CNTNAP5: variants seen among roughly 807,000 people sequenced by gnomAD.
CNTNAP5 encodes the protein contactin associated protein family member 5.
CNTNAP5 carries 72 observed loss-of-function variants against 150.2 expected under a neutral mutation model. The ratio of observed to expected loss-of-function variants is 0.48; its 90% CI spans 0.40 to 0.58. CNTNAP5 has a LOEUF of 0.58. Among genes scored for constraint, CNTNAP5 ranks in the 20% least tolerant of loss-of-function variants. CNTNAP5 has a pLI of 0.00. For missense variants in CNTNAP5, 1,636 were observed against 1,626.2 expected (o/e 1.01, Z -0.10); for synonymous variants, 672 against 619.8 (o/e 1.08, Z -1.25).
intron 1 of CNTNAP5, among the ~76,000 whole-genome samples, chr2:124,078,348 G>T (rs148449611): frequency 1.3e-5 from 2 of 152,280 alleles, no homozygotes; most frequent in East Asian, 1.9e-4. Context: ...TAGGCACAAT[G>T]ATTTCTTTTG....
chr2:124,879,761 G>T (rs1464161606), intron 21 of CNTNAP5, among the ~76,000 whole-genome samples: 2 of 152,086 alleles, frequency 1.3e-5, no homozygotes, highest in Non-Finnish European at 2.9e-5. Flanking sequence ...GATTTTCTTT[G>T]CCTGATATCC....
chr2:124,903,283 T>C (rs1678452913), intron 22 of CNTNAP5, among the ~76,000 whole-genome samples, 183 bp downstream of exon 22: 1 of 152,208 alleles, frequency 6.6e-6, no homozygotes, highest in South Asian at 2.1e-4. Flanking sequence ...TGTAGTTTTA[T>C]TTTTAATATG....
chr2:124,192,556 G>C (rs1249756173), intron 1 of CNTNAP5, among the ~76,000 whole-genome samples: 1 of 152,086 alleles, frequency 6.6e-6, no homozygotes, highest in East Asian at 1.9e-4. Context: ...ACATCTAATA[G>C]GCATATCAGA....
At chr2:124,168,516 G>A (rs1346109746) in intron 1 of CNTNAP5, among the ~76,000 whole-genome samples, 1 of 152,094 alleles carries the variant, frequency 6.6e-6, no homozygotes, top group Non-Finnish European at 1.5e-5. Flanking sequence ...AGAAAGAGTT[G>A]GAGCAAACCT....
chr2:124,252,588 T>TC (rs929889702), intron 3 of CNTNAP5, among the ~76,000 whole-genome samples: 10 of 152,094 alleles, frequency 6.6e-5, no homozygotes, highest in Non-Finnish European at 1.0e-4. Flanking sequence ...CTTCATACAC[T>TC]CCCCCCTCAT....
chr2:124,137,301 A>AT (rs1304467462), intron 1 of CNTNAP5, among the ~76,000 whole-genome samples: 1 of 91,066 alleles, frequency 1.1e-5, no homozygotes, highest in African/African-American at 3.6e-5. Flanking sequence ...TTTCCTCTGT[A>AT]GTTTTTTTTT....
chr2:124,660,961 AAG>A (rs1678576226), intron 13 of CNTNAP5, among the ~76,000 whole-genome samples: 1 of 149,466 alleles, frequency 6.7e-6, no homozygotes, highest in Non-Finnish European at 1.5e-5. Flanking sequence ...AAAAAAAAAA[AAG>A]AAAAAGAAAA....
chr2:124,058,940 G>C lies in CNTNAP5; in HGVS notation c.82+33208G>C, dbSNP rs149758071. Among the ~76,000 whole-genome samples the C allele has an allele frequency of 2.4e-3, 372 of 152,196 alleles. 1 individual carries two copies. Among genetic ancestry groups the C allele is most frequent in the African/African-American group, 8.4e-3 (349 of 41,530 alleles). On this transcript the variant is annotated intron_variant, in intron 1 of 23. Coordinates refer to ENST00000682447, the MANE Select transcript of CNTNAP5 (RefSeq NM_001367498.1). Reference sequence around the variant, plus strand: ...AATTGGCCATGTGCCTATTCCCCTGGTACTCTTTAAAGTAAGCTATTGTAT... The same window carrying C: ...AATTGGCCATGTGCCTATTCCCCTGCTACTCTTTAAAGTAAGCTATTGTAT...
In CNTNAP5 at chr2:124,312,419, G is replaced by A. The variant is rs548847419; in HGVS notation, c.381+70026G>A. ...GCTGGAGTGCAATGGCGTGATCTCGGCTCACTGCAACCTCCGCACCACTCC... is the reference window on the plus strand; with the variant it reads ...GCTGGAGTGCAATGGCGTGATCTCGACTCACTGCAACCTCCGCACCACTCC... On this transcript the variant is annotated intron_variant, in intron 3 of 23. Coordinates refer to ENST00000682447, the MANE Select transcript of CNTNAP5 (RefSeq NM_001367498.1). Among the ~76,000 whole-genome samples the A allele has an allele frequency of 1.6e-4, 24 of 152,154 alleles. No homozygotes were observed. The South Asian group carries it at 2.9e-3, about 18-fold the overall frequency.
At chr2:124,907,567 A>G (rs1678563980) in intron 22 of CNTNAP5, among the ~76,000 whole-genome samples, 1 of 148,600 alleles carries the variant, frequency 6.7e-6, no homozygotes, top group Non-Finnish European at 1.5e-5. Flanking sequence ...ATCTTGATCT[A>G]TATCTATAAT....
At chr2:124,531,651 C>T (rs2104895193) in intron 10 of CNTNAP5, among the ~76,000 whole-genome samples, 1 of 152,240 alleles carries the variant, frequency 6.6e-6, no homozygotes, top group South Asian at 2.1e-4. Flanking sequence ...AGACGTATGT[C>T]AGTGTTCTCA....
chr2:124,231,618 A>G (rs971926515), intron 2 of CNTNAP5, among the ~76,000 whole-genome samples: 3 of 152,192 alleles, frequency 2.0e-5, no homozygotes, highest in Admixed American at 6.5e-5. Context: ...AGAGAAACCT[A>G]TATATCTTGC....
At chr2:124,497,445 C>G (rs938242313) in intron 7 of CNTNAP5, among the ~76,000 whole-genome samples, 7 of 152,266 alleles carry the variant, frequency 4.6e-5, no homozygotes, top group African/African-American at 1.4e-4. Flanking sequence ...GGACTCCTAG[C>G]AGAAATATAA....
chr2:124,633,313 G>A (rs561804760), intron 12 of CNTNAP5, among the ~76,000 whole-genome samples: 1 of 152,260 alleles, frequency 6.6e-6, no homozygotes, highest in East Asian at 1.9e-4. Context: ...GATACAATGG[G>A]GTTATAGGCA....
At chr2:124,654,749 G>A (rs568243450) in intron 13 of CNTNAP5, among the ~76,000 whole-genome samples, 44 of 151,002 alleles carry the variant, frequency 2.9e-4, no homozygotes, top group Non-Finnish European at 5.0e-4. Context: ...CTTTTTCTTT[G>A]TCCTTCCTTC....
intron 1 of CNTNAP5, among the ~76,000 whole-genome samples, chr2:124,211,515 C>CACACACAA (rs1375435685): frequency 7.4e-6 from 1 of 134,526 alleles, no homozygotes; most frequent in Non-Finnish European, 1.6e-5. Flanking sequence ...GTCTCCAACA[C>CACACACAA]ACACACAAAC....
chr2:124,480,595 T>C (rs887714678), intron 7 of CNTNAP5, among the ~76,000 whole-genome samples: 1 of 152,104 alleles, frequency 6.6e-6, no homozygotes, highest in Non-Finnish European at 1.5e-5. Flanking sequence ...CTCATGAAAA[T>C]TGCTCAGAGA....
chr2:124,713,301 CTTCTTTCTCTTTCT>C (rs1679863270), intron 13 of CNTNAP5, among the ~76,000 whole-genome samples: 11 of 76,968 alleles, frequency 1.4e-4, no homozygotes, highest in Middle Eastern at 7.6e-3. Context: ...TTCTTTCTTT[CTTCTTTCTCTTTCT>C]TTCCTTTCTT....
chr2:124,515,088 C>A (rs1429062466), intron 8 of CNTNAP5, among the ~76,000 whole-genome samples: 1 of 152,170 alleles, frequency 6.6e-6, no homozygotes, highest in African/African-American at 2.4e-5. Context: ...CTGATCAAGG[C>A]TTTTCAGGAT....
Sources: allele counts gnomAD v4.1 joint callset (sites outside exome capture counted in the v4.1 genomes callset), GRCh38; gene constraint gnomAD v4.1.1; transcripts MANE v1.5; gene names NCBI Gene and HGNC (gene_info 2026-07-23, HGNC 2026-07-21).